The following SFXN5 variants were observed in gnomAD, a reference collection of about 807,000 sequenced individuals.
SFXN5 encodes the protein sideroflexin 5, also known as sideroflexin-5.
A neutral mutation model predicts 50.2 loss-of-function variants in SFXN5; 43 were observed. That is an observed-to-expected ratio of 0.86 (90% CI 0.67 to 1.11). The LOEUF (loss-of-function observed/expected upper bound fraction) is 1.11, where lower values mean the gene tolerates loss of function less well. Among genes scored for constraint, SFXN5 ranks in the 50% least tolerant of loss-of-function variants. SFXN5 has a pLI of 0.00. For synonymous variants in SFXN5, 203 were observed against 185.8 expected (o/e 1.09, Z -0.75); for missense variants, 463 against 454.1 (o/e 1.02, Z -0.18).
At chr2:72,971,414 C>T (rs1229590104) in intron 11 of SFXN5, among the ~76,000 whole-genome samples, 156 bp downstream of exon 11, 1 of 150,222 alleles carries the variant, frequency 6.7e-6, no homozygotes, top group Non-Finnish European at 1.5e-5. Flanking sequence ...GGCCCAGACT[C>T]ATGCAGATTG....
rs1354137449 is a variant in SFXN5 at position 72,950,323 on chromosome 2, G to A, written c.946-5224C>T. Among the ~76,000 whole-genome samples, 2 of 152,156 alleles carry A rather than the reference G, an allele frequency of 1.3e-5. No individual in the cohort carries two copies. Among genetic ancestry groups the A allele is most frequent in the Non-Finnish European group, 2.9e-5 (2 of 68,018 alleles). On this transcript the variant is annotated intron_variant, in intron 13 of 13. Coordinates refer to ENST00000272433, the MANE Select transcript of SFXN5 (RefSeq NM_144579.3). The surrounding 1 kb of genome is among the most constrained non-coding windows in gnomAD (Gnocchi z 4.2). ...TGAGAGGCTTTGGTCTTGGCAACTGGATTTCAGTGACTGCCTGGGGTCCAC... is the reference window on the plus strand; with the variant it reads ...TGAGAGGCTTTGGTCTTGGCAACTGAATTTCAGTGACTGCCTGGGGTCCAC...
At chr2:73,002,118 T>C (rs1444677593) in intron 6 of SFXN5, among the ~76,000 whole-genome samples, 1 of 152,236 alleles carries the variant, frequency 6.6e-6, no homozygotes, top group African/African-American at 2.4e-5. Context: ...TAAATACAAG[T>C]TGGGGGAATT....
In SFXN5 at chr2:72,961,178, C is replaced by T. The variant is rs771890795; in HGVS notation, c.898G>A (p.Gly300Ser). Residue 300 changes from glycine (G) to serine (S), a missense_variant, in exon 13 of 14, where the codon GGC (glycine) becomes AGC (serine). By Grantham distance (56) the Gly-to-Ser change is moderately conservative. Transcript: ENST00000272433. The surrounding 1 kb of genome is among the most constrained non-coding windows in gnomAD (Gnocchi z 4.4). ...VQSLVCLAAF[G>S]LALPLAISLF... ...CTGATGGCCAGCGGCAGGGCCAGGC[C>T]GAAGGCTGCCAGGCACACGAGGCTT... The T allele has an allele frequency of 3.7e-5, 58 of 1,575,494 alleles. No homozygotes were observed. Among genetic ancestry groups the T allele is most frequent in the Non-Finnish European group, 4.6e-5 (54 of 1,163,802 alleles).
intron 13 of SFXN5, chr2:72,956,951 C>G (rs182477161): frequency 4.4e-6 from 2 of 449,546 alleles, no homozygotes; most frequent in Admixed American, 4.7e-5. Flanking sequence ...ACCTAAGTCT[C>G]CTCCACTCCT....
At chr2:73,054,539 G>A (rs1054751540) in intron 2 of SFXN5, among the ~76,000 whole-genome samples, 2 of 152,138 alleles carry the variant, frequency 1.3e-5, no homozygotes, top group South Asian at 4.1e-4. Flanking sequence ...AGGAGGGACT[G>A]GGAAAAGGGA....
At chr2:73,060,633 G>T (rs987143909) in intron 1 of SFXN5, among the ~76,000 whole-genome samples, 2 of 151,898 alleles carry the variant, frequency 1.3e-5, no homozygotes, top group African/African-American at 4.8e-5. Flanking sequence ...GTTAATAAAA[G>T]TGTTGTATCC....
Position 73,053,102 on chromosome 2 carries a change from A to C in SFXN5, c.171+5426T>G, listed in dbSNP as rs1380952540. On this transcript the variant is annotated intron_variant, in intron 2 of 13. Coordinates refer to ENST00000272433, the MANE Select transcript of SFXN5 (RefSeq NM_144579.3). ...TGAAGCACGAGAATTGCTTGAGCCC[A>C]GGAGGCAGAGGCTGCAGTGAGCCAA... Among the ~76,000 whole-genome samples, 3 of 152,152 alleles carry C rather than the reference A, an allele frequency of 2.0e-5. No homozygotes were observed. In the East Asian group the frequency reaches 5.8e-4, roughly 29 times the overall value.
intron 11 of SFXN5, among the ~76,000 whole-genome samples, 197 bp from the exon 12 acceptor site, chr2:72,968,730 C>T (rs1224915972): frequency 6.6e-6 from 1 of 151,724 alleles, no homozygotes; most frequent in Non-Finnish European, 1.5e-5. Context: ...CTTCCTTCCT[C>T]CTTCCCTCCC....
At chr2:72,956,966 C>T (rs2105359307) in intron 13 of SFXN5, 1 of 454,720 alleles carries the variant, frequency 2.2e-6, no homozygotes, top group South Asian at 1.6e-5. Flanking sequence ...ACTCCTAGTC[C>T]CCTCTGCACT....
rs759334127 is a variant in SFXN5 at position 73,026,126 on chromosome 2, C to CTTTTTTTTTT, written c.250-2922_250-2913dup. Among the ~76,000 whole-genome samples, 231 of 133,650 alleles carry CTTTTTTTTTT rather than the reference C, an allele frequency of 1.7e-3. 19 individuals carry two copies. Among genetic ancestry groups the CTTTTTTTTTT allele is most frequent in the African/African-American group, 4.0e-3 (131 of 32,638 alleles). 87.7% of individuals were successfully genotyped at this position (133,650 alleles called of 152,430 possible). A position where few individuals can be genotyped will look rare whatever the true frequency, so the allele number is the denominator to read the frequency against. ...CCAGTGGTCTAATGCTGTGTGGCTG[C>CTTTTTTTTTT]TTTTTTTTTTTCTTTTTTTGAGACA... On this transcript the variant is annotated intron_variant, in intron 3 of 13. Coordinates refer to ENST00000272433, the MANE Select transcript of SFXN5 (RefSeq NM_144579.3).
intron 1 of SFXN5, chr2:73,071,232 C>A: frequency 4.2e-6 from 1 of 238,784 alleles, no homozygotes; most frequent in Non-Finnish European, 8.2e-6. Flanking sequence ...CAGACTAGAA[C>A]TTTGCGTCCC....
At chr2:73,046,804 A>C (rs967393681) in intron 2 of SFXN5, among the ~76,000 whole-genome samples, 2 of 152,142 alleles carry the variant, frequency 1.3e-5, no homozygotes, top group African/African-American at 4.8e-5. Flanking sequence ...AAATTCCATC[A>C]AAGATTTTGA....
At chr2:72,986,533 G>A (rs535395396) in intron 10 of SFXN5, among the ~76,000 whole-genome samples, 36 of 152,302 alleles carry the variant, frequency 2.4e-4, no homozygotes, top group Non-Finnish European at 4.7e-4. Flanking sequence ...CAGAGGTCAC[G>A]AGTCCTCATG....
intron 9 of SFXN5, among the ~76,000 whole-genome samples, chr2:72,994,678 C>T (rs1672997626): frequency 1.3e-5 from 2 of 152,028 alleles, no homozygotes; most frequent in Admixed American, 1.3e-4. Context: ...TGAGGGTGGC[C>T]CCACCCCTTC....
At chr2:72,968,577 G>T in intron 11 of SFXN5, 44 bp from the exon 12 acceptor site, 1 of 1,583,082 alleles carries the variant, frequency 6.3e-7, no homozygotes, top group Non-Finnish European at 8.7e-7. Context: ...CTGACAGCTG[G>T]TGACAGGACA....
intron 7 of SFXN5, among the ~76,000 whole-genome samples, chr2:73,000,828 T>G (rs887132984): frequency 2.0e-5 from 3 of 152,174 alleles, no homozygotes. Context: ...ACCATCTTTA[T>G]TATATTACCT....
intron 3 of SFXN5, 36 bp downstream of exon 3, chr2:73,040,817 TC>T (rs1559189726): frequency 1.3e-6 from 2 of 1,543,386 alleles, no homozygotes; most frequent in Middle Eastern, 1.7e-4. Context: ...TTCCTTCCCT[TC>T]CCCACTGGCC....
chr2:73,011,528 G>C (rs1012417456), intron 6 of SFXN5, among the ~76,000 whole-genome samples: 18 of 152,102 alleles, frequency 1.2e-4, no homozygotes, highest in South Asian at 6.2e-4. Context: ...ATAATCCAAA[G>C]GATTAATGTC....
At chr2:72,954,758 C>T (rs1470371674) in intron 13 of SFXN5, among the ~76,000 whole-genome samples, 2 of 152,216 alleles carry the variant, frequency 1.3e-5, no homozygotes, top group African/African-American at 4.8e-5. Flanking sequence ...ACATGGCTCC[C>T]AGAGGGTGGC....
Sources: gnomAD v4.1 joint callset for allele counts (sites outside exome capture counted in the v4.1 genomes callset) on GRCh38, gnomAD v4.1.1 for gene constraint, Gnocchi (gnomAD v3.1) non-coding constraint, MANE v1.5 for transcripts, NCBI Gene and HGNC (gene_info 2026-07-23, HGNC 2026-07-21) for gene names.